DNASE1L1: variants seen among roughly 807,000 people sequenced by gnomAD.
DNASE1L1 encodes the protein deoxyribonuclease-1-like 1.
In DNASE1L1, 8 loss-of-function variants were observed where a neutral mutation model predicts 18.6. The ratio of observed to expected loss-of-function variants is 0.43; its 90% CI spans 0.25 to 0.78. The LOEUF is 0.78. DNASE1L1 is among the 30% of genes least tolerant of loss of function. DNASE1L1 has a pLI of 0.23. For synonymous variants in DNASE1L1, 114 were observed against 114.2 expected (o/e 1.00, Z 0.01); for missense variants, 214 against 258.2 (o/e 0.83, Z 1.17).
At chrX:154,408,938 C>T in intron 1 of DNASE1L1, 174 bp downstream of exon 1, 1 of 230,127 alleles carries the variant, frequency 4.3e-6, no homozygotes, top group Non-Finnish European at 8.5e-6. Context: ...CAGGGACCCC[C>T]ATGAGGGCTA....
At position 154,401,914 on chromosome X, in the gene DNASE1L1, C is replaced by T. The variant is rs12877; in HGVS notation, c.*793G>A. 3.6e-5 allele frequency: 4 copies of T among 111,179 alleles called. No homozygotes were observed. The highest frequency in any genetic ancestry group is 1.3e-4 in the African/African-American group (4 of 30,329). The allele number at this position is 111,179 out of a possible 1,213,427, so 9.2% of individuals were successfully genotyped here. The stretch of plus-strand genomic sequence containing the variant: ...CCAGCCAGTGTTTTTCCTGACCTCT[C>T]TTCTTTGGAGAGGAGGATGGAAGGG... On this transcript the variant is annotated 3_prime_UTR_variant, in exon 8 of 8. Coordinates refer to ENST00000369807, the MANE Select transcript of DNASE1L1 (RefSeq NM_001303620.2).
At chrX:154,408,669 C>A (rs1355655607) in intron 1 of DNASE1L1, 1 of 114,299 alleles carries the variant, frequency 8.7e-6, no homozygotes, top group Non-Finnish European at 1.8e-5. Context: ...CAACCTGTCA[C>A]CTTCCCTTCG....
chrX:154,402,107 A>G lies in DNASE1L1; in HGVS notation c.*600T>C, dbSNP rs1381381406. The G allele has an allele frequency of 8.8e-6, 1 of 114,196 alleles. No homozygotes were observed. Among genetic ancestry groups the G allele is most frequent in the African/African-American group, 3.2e-5 (1 of 31,013 alleles). The allele number at this position is 114,196 out of a possible 1,213,427, so 9.4% of individuals were successfully genotyped here. Reference sequence around the variant, plus strand: ...TACCAGGCATGCAGAAGCCTGTACCAACACAGACTACAGCACCCAGGAGGT... The same window carrying G: ...TACCAGGCATGCAGAAGCCTGTACCGACACAGACTACAGCACCCAGGAGGT... On this transcript the variant is annotated 3_prime_UTR_variant, in exon 8 of 8. Coordinates refer to ENST00000369807, the MANE Select transcript of DNASE1L1 (RefSeq NM_001303620.2).
chrX:154,407,002 T>C (rs1288157037), intron 1 of DNASE1L1, among the ~76,000 whole-genome samples: 1 of 111,144 alleles, frequency 9.0e-6, no homozygotes, highest in Admixed American at 9.6e-5. Flanking sequence ...CCATGGTGAC[T>C]GCACCATTTT....
chrX:154,404,996 G>A lies in DNASE1L1; in HGVS notation c.223C>T (p.Arg75Ter). ...TTAGACCCACAGAATCTTCCTCACC[G>A]ATTGAGTTCTCGAAGCAGGAGCGGG... ...AIPLLLRELN[R>*]FDGSGPYSTL... is the part of the protein sequence containing the mutation. Residue 75 changes from arginine to a stop codon, truncating the protein, a stop_gained and splice_region_variant, in exon 3 of 8, where the codon CGA becomes TGA. Coordinates refer to ENST00000369807, the MANE Select transcript of DNASE1L1 (RefSeq NM_001303620.2). LOFTEE classifies it high-confidence loss of function. The A allele has an allele frequency of 5.0e-6, 6 of 1,209,910 alleles. No individual in the cohort carries two copies. Among genetic ancestry groups the A allele is most frequent in the Non-Finnish European group, 6.7e-6 (6 of 894,124 alleles).
In DNASE1L1 at chrX:154,405,423, G is replaced by A; in HGVS notation, c.135+11C>T. ...GTTAGGGGCACGGCTTCCCTGAAGT[G>A]ATGAACTTACCCGAACTAAGGTGTC... On this transcript the variant is annotated intron_variant, in intron 2 of 7. Coordinates refer to ENST00000369807, the MANE Select transcript of DNASE1L1 (RefSeq NM_001303620.2). 1 of 1,179,679 alleles carries A rather than the reference G, an allele frequency of 8.5e-7. No homozygotes were observed. Among genetic ancestry groups the A allele is most frequent in the Non-Finnish European group, 1.1e-6 (1 of 874,457 alleles).
In DNASE1L1 at chrX:154,402,836, G is replaced by A; in HGVS notation, c.780C>T (p.Leu260=). 13 of 1,209,035 alleles carry A rather than the reference G, an allele frequency of 1.1e-5. No individual in the cohort carries two copies. The highest frequency in any genetic ancestry group is 1.5e-5 in the Non-Finnish European group (13 of 893,623). ...TSFQLTEEEA[L]NISDHYPVEV... ...CCACGGGGTAGTGGTCACTGATGTT[G>A]AGGGCCTGGGAATGGGTGGTGGGGC... is the stretch of plus-strand genomic sequence containing the variant. The change falls in exon 8 of 8, where the codon CTC becomes CTT. Residue 260 remains leucine (L), a synonymous_variant. Transcript: ENST00000369807.
Position 154,402,260 on chromosome X carries a change from T to G in DNASE1L1, c.*447A>C, listed in dbSNP as rs1466897028. 1.5e-5 allele frequency: 2 copies of G among 132,028 alleles called. No homozygotes were observed. Among genetic ancestry groups the G allele is most frequent in the East Asian group, 4.8e-4 (2 of 4,184 alleles). 10.9% of individuals were successfully genotyped at this position (132,028 alleles called of 1,213,427 possible). On this transcript the variant is annotated 3_prime_UTR_variant, in exon 8 of 8. Transcript: ENST00000369807. ...GTTTGATATAGCAGATTAACCACCC[T>G]CCTTGTAGCTATTGGGGCTTAATGG...
At chrX:154,405,290 G>A (rs1421150729) in intron 2 of DNASE1L1, 144 bp downstream of exon 2, 1 of 998,654 alleles carries the variant, frequency 1.0e-6, no homozygotes, top group Non-Finnish European at 1.4e-6. Context: ...ACTGAGGCCA[G>A]CAGCAGGCAA....
In DNASE1L1 at chrX:154,404,829, G is replaced by A. The variant is rs782518355; in HGVS notation, c.310C>T (p.Arg104Trp). 20 of 1,209,849 alleles carry A rather than the reference G, an allele frequency of 1.7e-5. No individual in the cohort carries two copies. The highest frequency in any genetic ancestry group is 2.2e-5 in the Non-Finnish European group (20 of 894,568). ...TYMETYVYFY[R>W]SHKTQVLSSY... ...CTGCGCTGCCAGCTCCGTGCTCACC[G>A]ATAGAAGTACACATACGTCTCCATG... Residue 104 changes from arginine (R) to tryptophan (W), a missense_variant and splice_region_variant, in exon 4 of 8, where the codon CGG (arginine) becomes TGG (tryptophan). Arg to Trp is a moderately radical substitution (Grantham distance 101, BLOSUM62 -3). Coordinates refer to ENST00000369807, the MANE Select transcript of DNASE1L1 (RefSeq NM_001303620.2).
chrX:154,402,871 G>A, intron 7 of DNASE1L1, 30 bp from the exon 8 acceptor site: 1 of 1,204,458 alleles, frequency 8.3e-7, no homozygotes. Flanking sequence ...CAGTGTCAGT[G>A]CCCGGGGCCG....
chrX:154,408,624 G>C (rs1318193291), intron 1 of DNASE1L1: 1 of 112,432 alleles, frequency 8.9e-6, no homozygotes, highest in African/African-American at 3.2e-5. Context: ...CCTGAGGCAT[G>C]AGTTCCTCTG....
intron 1 of DNASE1L1, among the ~76,000 whole-genome samples, chrX:154,408,370 C>G (rs782789780): frequency 1.8e-5 from 2 of 112,162 alleles, no homozygotes; most frequent in Admixed American, 1.9e-4. Flanking sequence ...GAGATGTTCT[C>G]TTTAAGATAA....
chrX:154,402,922 T>C lies in DNASE1L1; in HGVS notation c.774+20A>G, dbSNP rs782103578. 3.3e-6 allele frequency: 4 copies of C among 1,206,351 alleles called. No homozygotes were observed. Among genetic ancestry groups the C allele is most frequent in the African/African-American group, 3.5e-5 (2 of 57,272 alleles). On this transcript the variant is annotated intron_variant, in intron 7 of 7. Coordinates refer to ENST00000369807, the MANE Select transcript of DNASE1L1 (RefSeq NM_001303620.2). Reference sequence around the variant, plus strand: ...ACCCTGCTGCTGCCCTCCCTCCTCATGCCAGCCCCATCCCTTCACCTCCTC... The same window carrying C: ...ACCCTGCTGCTGCCCTCCCTCCTCACGCCAGCCCCATCCCTTCACCTCCTC...
intron 2 of DNASE1L1, 31 bp from the exon 3 acceptor site, chrX:154,405,114 CA>C (rs782475627): frequency 8.4e-7 from 1 of 1,183,953 alleles, no homozygotes; most frequent in South Asian, 1.8e-5. Flanking sequence ...CAGCCTGACT[CA>C]GTGCCAACTG....
upstream of DNASE1L1, among the ~76,000 whole-genome samples, chrX:154,410,510 G>A (rs1170247982): frequency 2.7e-5 from 3 of 110,438 alleles, no homozygotes; most frequent in African/African-American, 6.6e-5. Flanking sequence ...CTGAGATCTC[G>A]TCACTGCACT....
Position 154,404,845 on chromosome X carries a change from C to G in DNASE1L1, c.294G>C (p.Thr98=), listed in dbSNP as rs140830574. 5 of 1,211,252 alleles carry G rather than the reference C, an allele frequency of 4.1e-6. No homozygotes were observed. In the South Asian group the frequency reaches 8.8e-5, roughly 21 times the overall value. ...PQLGRSTYME[T]YVYFYRSHKT... ...GTGCTCACCGATAGAAGTACACATA[C>G]GTCTCCATGTAGGTGCTGCGCCCCA... The change falls in exon 4 of 8, where the codon ACG becomes ACC. Residue 98 remains threonine, a synonymous_variant. Transcript: ENST00000369807.
chrX:154,405,296 G>C, intron 2 of DNASE1L1, 138 bp downstream of exon 2: 1 of 1,026,226 alleles, frequency 9.7e-7, no homozygotes, highest in African/African-American at 1.9e-5. Context: ...GCCAGCAGCA[G>C]GCAAGCGCCT....
chrX:154,402,601 A>T lies in DNASE1L1; in HGVS notation c.*106T>A. 1.2e-6 allele frequency: 1 copy of T among 825,050 alleles called. No individual in the cohort carries two copies. Among genetic ancestry groups the T allele is most frequent in the Non-Finnish European group, 1.7e-6 (1 of 590,738 alleles). The allele number at this position is 825,050 out of a possible 1,213,427, so 68.0% of individuals were successfully genotyped here. Reference sequence around the variant, plus strand: ...AGGCAGGCAGGGGTGGACTACAGTCACAGGGCAACTATAGTTGAAGCCCCC... The same window carrying T: ...AGGCAGGCAGGGGTGGACTACAGTCTCAGGGCAACTATAGTTGAAGCCCCC... On this transcript the variant is annotated 3_prime_UTR_variant, in exon 8 of 8. Coordinates refer to ENST00000369807, the MANE Select transcript of DNASE1L1 (RefSeq NM_001303620.2).
Sources: allele counts gnomAD v4.1 joint callset (sites outside exome capture counted in the v4.1 genomes callset), GRCh38; gene constraint gnomAD v4.1.1; transcripts MANE v1.5; gene names NCBI Gene and HGNC (gene_info 2026-07-23, HGNC 2026-07-21).